PTK2: variants seen among roughly 807,000 people sequenced by gnomAD.
PTK2 encodes protein tyrosine kinase 2.
PTK2 carries 45 observed loss-of-function variants against 150.1 expected under a neutral mutation model. The observed-to-expected ratio is 0.30, with a 90% confidence interval of 0.24 to 0.38. PTK2 has a LOEUF of 0.38. Among genes scored for constraint, PTK2 ranks in the 10% least tolerant of loss-of-function variants. The probability of loss-of-function intolerance (pLI) is 1.00; values close to 1 mark genes in which losing one functional copy is unlikely to be tolerated. For synonymous variants in PTK2, 432 were observed against 449.2 expected (o/e 0.96, Z 0.48); for missense variants, 919 against 1,307.3 (o/e 0.70, Z 4.58).
At chr8:140,812,670 A>G (rs1172250734) in intron 10 of PTK2, among the ~76,000 whole-genome samples, 1 of 152,220 alleles carries the variant, frequency 6.6e-6, no homozygotes, top group Non-Finnish European at 1.5e-5. Flanking sequence ...TAGGCTCAAA[A>G]TAAAGGAATG....
rs560801616 is a variant in PTK2 at position 140,962,515 on chromosome 8, G to T, written c.-121-36766C>A. Among the ~76,000 whole-genome samples the T allele has an allele frequency of 3.9e-5, 6 of 152,192 alleles. No homozygotes were observed. In the South Asian group the frequency reaches 1.2e-3, roughly 32 times the overall value. On this transcript the variant is annotated intron_variant, in intron 1 of 31. Coordinates refer to ENST00000522684, the Ensembl canonical transcript of PTK2. ...GCCTCCTGTATAGGACACACAGCTCGAGCATACTCTACAGTCATCACACCT... is the reference window on the plus strand; with the variant it reads ...GCCTCCTGTATAGGACACACAGCTCTAGCATACTCTACAGTCATCACACCT...
chr8:140,800,506 C>T, exon 12 of PTK2: 5 of 1,613,832 alleles, frequency 3.1e-6, no homozygotes, highest in Non-Finnish European at 4.2e-6. Flanking sequence ...ATTCACCAGC[C>T]GGCAGTACCC....
At chr8:140,958,331 G>C (rs1003765576) in intron 1 of PTK2, among the ~76,000 whole-genome samples, 3 of 151,976 alleles carry the variant, frequency 2.0e-5, no homozygotes, top group African/African-American at 7.3e-5. Context: ...TTTTTGTAGA[G>C]ACAGGGTCCC....
At chr8:140,851,257 T>C (rs780511671) in intron 5 of PTK2, among the ~76,000 whole-genome samples, 14 of 152,230 alleles carry the variant, frequency 9.2e-5, no homozygotes, top group Non-Finnish European at 1.8e-4. Context: ...AATATACAAA[T>C]GAACAATTAC....
intron 23 of PTK2, among the ~76,000 whole-genome samples, chr8:140,712,338 C>T (rs563584916): frequency 1.3e-5 from 2 of 152,098 alleles, no homozygotes; most frequent in African/African-American, 2.4e-5. Context: ...TGCAGTCTTA[C>T]GATGTTCTGT....
At chr8:140,716,653 A>G (rs538446815) in intron 23 of PTK2, among the ~76,000 whole-genome samples, 97 of 152,336 alleles carry the variant, frequency 6.4e-4, no homozygotes, top group Non-Finnish European at 9.6e-4. Flanking sequence ...TTCAAGATAA[A>G]AAAATTGGTA....
chr8:140,795,469 G>A (rs1008213744), intron 12 of PTK2, among the ~76,000 whole-genome samples: 1 of 152,016 alleles, frequency 6.6e-6, no homozygotes, highest in Non-Finnish European at 1.5e-5. Context: ...CACCCCTTCA[G>A]GTGCGACTCT....
At chr8:140,666,449 A>C (rs1003302806) in intron 30 of PTK2, among the ~76,000 whole-genome samples, 5 of 152,188 alleles carry the variant, frequency 3.3e-5, no homozygotes, top group Admixed American at 3.3e-4. Context: ...AGAAAAAAAA[A>C]ACTTGACATT....
intron 15 of PTK2, 72 bp downstream of exon 17, chr8:140,764,162 G>T: frequency 8.3e-7 from 1 of 1,210,958 alleles, no homozygotes; most frequent in Non-Finnish European, 1.2e-6. Flanking sequence ...AAGACAGTAA[G>T]TATCAATAAC....
intron 31 of PTK2, 138 bp from the exon 36 acceptor site, chr8:140,659,816 A>C: frequency 1.4e-6 from 1 of 733,472 alleles, no homozygotes; most frequent in Non-Finnish European, 2.2e-6. Flanking sequence ...CAGCCTTCCC[A>C]CTAGCTGGGA....
At chr8:140,881,965 A>G (rs1279400287) in intron 3 of PTK2, among the ~76,000 whole-genome samples, 2 of 152,002 alleles carry the variant, frequency 1.3e-5, no homozygotes, top group African/African-American at 4.8e-5. Context: ...TGAGTGACAC[A>G]GCCTTTGCAT....
At chr8:140,947,599 A>C (rs775686561) in intron 1 of PTK2, among the ~76,000 whole-genome samples, 6 of 152,098 alleles carry the variant, frequency 3.9e-5, no homozygotes, top group Admixed American at 1.3e-4. Flanking sequence ...TCCTGTGAAG[A>C]CTTCAATGAA....
chr8:140,908,938 G>A lies in PTK2; in HGVS notation c.-33+16723C>T, dbSNP rs113432994. 1.5e-3 allele frequency among the ~76,000 whole-genome samples: 234 copies of A among 152,246 alleles called. 2 individuals are homozygous for A. The East Asian group carries it at 0.028, about 18-fold the overall frequency. ...ATAATAAAATACATGAAACTGGGCC[G>A]GGCACAGTGGCTCACGCCTGTAATC... On this transcript the variant is annotated intron_variant, in intron 2 of 31. Coordinates refer to ENST00000522684, the Ensembl canonical transcript of PTK2.
At chr8:140,889,930 T>C (rs938427241) in intron 3 of PTK2, among the ~76,000 whole-genome samples, 12 of 152,182 alleles carry the variant, frequency 7.9e-5, no homozygotes, top group East Asian at 7.7e-4. Flanking sequence ...GGAAATCCTT[T>C]CCAGTACTAA....
intron 22 of PTK2, among the ~76,000 whole-genome samples, chr8:140,727,922 G>A (rs1050724873): frequency 5.9e-5 from 9 of 152,112 alleles, no homozygotes; most frequent in South Asian, 2.1e-4. Flanking sequence ...ACGGCCGGGC[G>A]CGGTGGCTCA....
chr8:140,666,076 G>C (rs1242832952), intron 30 of PTK2, among the ~76,000 whole-genome samples: 1 of 152,232 alleles, frequency 6.6e-6, no homozygotes, highest in East Asian at 1.9e-4. Flanking sequence ...AGTGGCTCAT[G>C]CCTGTAATCC....
intron 5 of PTK2, among the ~76,000 whole-genome samples, chr8:140,850,321 G>T (rs952409725): frequency 6.6e-6 from 1 of 152,034 alleles, no homozygotes; most frequent in Non-Finnish European, 1.5e-5. Flanking sequence ...AGGTACTCGG[G>T]AGGCTAAGGC....
chr8:140,669,770 G>A, intron 29 of PTK2, 35 bp from the exon 33 acceptor site: 2 of 1,522,696 alleles, frequency 1.3e-6, no homozygotes, highest in Non-Finnish European at 1.8e-6. Flanking sequence ...AAAGTTAAAG[G>A]AATTTATCAG....
At chr8:140,924,399 C>T (rs1381047296) in intron 2 of PTK2, among the ~76,000 whole-genome samples, 2 of 152,148 alleles carry the variant, frequency 1.3e-5, no homozygotes, top group Non-Finnish European at 2.9e-5. Flanking sequence ...TATTGTTTGG[C>T]TACCCCCACT....
Sources: gnomAD v4.1 joint callset for allele counts (sites outside exome capture counted in the v4.1 genomes callset) on GRCh38, gnomAD v4.1.1 for gene constraint, MANE v1.5 for transcripts, NCBI Gene and HGNC (gene_info 2026-07-23, HGNC 2026-07-21) for gene names.